The following PACS2 variants were observed in gnomAD, a reference collection of about 807,000 sequenced individuals.
PACS2 encodes phosphofurin acidic cluster sorting protein 2.
In PACS2, 36 loss-of-function variants were observed where a neutral mutation model predicts 113.0. That is an observed-to-expected ratio of 0.32 (90% CI 0.24 to 0.42). The LOEUF is 0.42. PACS2 is among the 10% of genes least tolerant of loss of function. The pLI, the probability that PACS2 is intolerant of heterozygous loss-of-function variation, is 1.00. For missense variants in PACS2, 1,015 were observed against 1,239.5 expected, an observed-to-expected ratio of 0.82 and a Z score of 2.72; for synonymous variants, 589 against 536.1, an observed-to-expected ratio of 1.10 and a Z score of -1.36.
At chr14:105,322,388 C>T (rs185574152) in intron 1 of PACS2, among the ~76,000 whole-genome samples, 9 of 152,042 alleles carry the variant, frequency 5.9e-5, no homozygotes, top group African/African-American at 1.2e-4. Flanking sequence ...CTCAGCCTCC[C>T]GAGTAGCTGG....
Position 105,349,362 on chromosome 14 carries a change from C to T in PACS2, c.207+782C>T, listed in dbSNP as rs111537410. ...AGTGTCCTTCTGTGTGGCCGTCCAG[C>T]GTGACAGGGTGGGGTCTCAGTGGCT... On this transcript the variant is annotated intron_variant, in intron 2 of 24. Transcript: ENST00000447393. Among the ~76,000 whole-genome samples, 29 of 152,342 alleles carry T rather than the reference C, an allele frequency of 1.9e-4. 1 individual carries two copies. Among genetic ancestry groups the T allele is most frequent in the African/African-American group, 6.3e-4 (26 of 41,578 alleles).
At chr14:105,393,073 G>C (rs1555415429) in intron 23 of PACS2, 149 bp from the exon 24 acceptor site, 2 of 718,936 alleles carry the variant, frequency 2.8e-6, no homozygotes, top group African/African-American at 3.6e-5. Flanking sequence ...GAGAGCAGCT[G>C]TCCTCAGTCA....
chr14:105,344,236 T>A (rs2059835174), intron 1 of PACS2, among the ~76,000 whole-genome samples: 1 of 151,534 alleles, frequency 6.6e-6, no homozygotes, highest in South Asian at 2.1e-4. Context: ...AATATATGGT[T>A]GAATTTGCCT....
intron 1 of PACS2, among the ~76,000 whole-genome samples, chr14:105,322,478 C>A (rs936419581): frequency 6.6e-6 from 1 of 151,982 alleles, no homozygotes; most frequent in Admixed American, 6.6e-5. Flanking sequence ...GTTGGCCAGA[C>A]TGGTCTCGAA....
At position 105,303,523 on chromosome 14, in the gene PACS2, G is replaced by A. The variant is rs587734806; in HGVS notation, c.-83+2544G>A. Among the ~76,000 whole-genome samples, 5 of 152,372 alleles carry A rather than the reference G, an allele frequency of 3.3e-5. No homozygotes were observed. In the South Asian group the frequency reaches 6.2e-4, roughly 19 times the overall value. ...CTCCCAAAGTGCTGGGACTATGGGCGTGAGCCATCGCGCCTGGCCTTTTCC... is the reference window on the plus strand; with the variant it reads ...CTCCCAAAGTGCTGGGACTATGGGCATGAGCCATCGCGCCTGGCCTTTTCC... On this transcript the variant is annotated intron_variant, in intron 1 of 23. Coordinates refer to the PACS2 transcript ENST00000430725.
intron 12 of PACS2, 47 bp from the exon 13 acceptor site, chr14:105,381,867 C>G: frequency 6.6e-7 from 1 of 1,522,072 alleles, no homozygotes; most frequent in Non-Finnish European, 8.9e-7. Context: ...TGCCCCTGTT[C>G]CTGTTCCTGC....
intron 7 of PACS2, among the ~76,000 whole-genome samples, chr14:105,369,175 G>A (rs980735925): frequency 2.0e-5 from 3 of 152,246 alleles, no homozygotes; most frequent in African/African-American, 7.2e-5. Context: ...GCATTCAAGG[G>A]GGCGCTGTGG....
intron 9 of PACS2, among the ~76,000 whole-genome samples, chr14:105,378,881 GGCCTGGATCA>G (rs1197350219): frequency 7.2e-5 from 11 of 152,236 alleles, no homozygotes; most frequent in East Asian, 1.9e-4. Flanking sequence ...AGGCATGGGT[GGCCTGGATCA>G]GCCTGGATCA....
intron 1 of PACS2, among the ~76,000 whole-genome samples, chr14:105,304,345 A>G (rs930657509): frequency 9.9e-5 from 15 of 151,990 alleles, no homozygotes; most frequent in African/African-American, 3.4e-4. Flanking sequence ...AAAAATTAGC[A>G]GGTGTGATGG....
intron 24 of PACS2, 198 bp from the exon 25 acceptor site, chr14:105,394,355 GC>G (rs2081474117): frequency 2.0e-6 from 2 of 985,290 alleles, no homozygotes; most frequent in South Asian, 9.4e-5. Flanking sequence ...GAGGGCAGGG[GC>G]AGGAATGGCG....
rs2081559934 is a variant in PACS2, at chr14:105,397,491, AGGCCTGGT to A, written c.*2824_*2831del. 2 of 152,244 alleles carry A rather than the reference AGGCCTGGT, an allele frequency of 1.3e-5. No homozygotes were observed. Among genetic ancestry groups the A allele is most frequent in the African/African-American group, 4.8e-5 (2 of 41,428 alleles). The allele number at this position is 152,244 out of a possible 1,614,324, so 9.4% of individuals were successfully genotyped here. On this transcript the variant is annotated 3_prime_UTR_variant, in exon 25 of 25. Coordinates refer to ENST00000447393, the MANE Select transcript of PACS2 (RefSeq NM_001100913.3). The stretch of plus-strand genomic sequence containing the variant: ...ACCAGTCACCACCGAGGCACCCCTC[AGGCCTGGT>A]GGCCACTGTCCACTATTACGTAGAC...
chr14:105,313,239 C>T (rs994780626), upstream of PACS2, among the ~76,000 whole-genome samples: 5 of 152,236 alleles, frequency 3.3e-5, no homozygotes, highest in African/African-American at 1.2e-4. Context: ...CAGCGCCGTA[C>T]GCTCAGTTCT....
chr14:105,369,813 C>T, intron 7 of PACS2, 28 bp from the exon 8 acceptor site: 1 of 1,546,116 alleles, frequency 6.5e-7, no homozygotes, highest in South Asian at 1.2e-5. Flanking sequence ...CTGGCGGCGG[C>T]TCTGACTCTG....
At chr14:105,343,292 AG>A (rs1376518544) in intron 1 of PACS2, among the ~76,000 whole-genome samples, 3 of 152,192 alleles carry the variant, frequency 2.0e-5, no homozygotes, top group African/African-American at 7.2e-5. Flanking sequence ...CGGGGTTTCC[AG>A]TGGGTGGCAG....
rs781846060 is a variant in PACS2 at position 105,368,524 on chromosome 14, G to A, written c.726G>A (p.Thr242=). 14 of 1,613,522 alleles carry A rather than the reference G, an allele frequency of 8.7e-6. 1 individual carries two copies. Among genetic ancestry groups the A allele is most frequent in the South Asian group, 5.5e-5 (5 of 91,076 alleles). The change falls in exon 7 of 25, where the codon ACG becomes ACA. Residue 242 remains threonine, a synonymous_variant. Transcript: ENST00000447393. The stretch of plus-strand genomic sequence containing the variant: ...AGCAGCGGAGATCGATTGTAAGAAC[G>A]ACGTCCATGACCAGGGTTGGTGGAG... The part of the protein sequence containing the change: ...PKKQRRSIVR[T]TSMTRQQNFK...
rs1434947157 is a variant in PACS2, at chr14:105,365,215, C to T, written c.424-1998C>T. The stretch of plus-strand genomic sequence containing the variant: ...GGCAGGAGTGGGAATGGCCACAGTC[C>T]AGGACAGTGACCTGCCGGCCAGCAT... On this transcript the variant is annotated intron_variant, in intron 4 of 24. Transcript: ENST00000447393. The surrounding 1 kb of genome is among the most constrained non-coding windows in gnomAD (Gnocchi z 5.1). 4.6e-5 allele frequency among the ~76,000 whole-genome samples: 7 copies of T among 152,142 alleles called. No individual in the cohort carries two copies. Among genetic ancestry groups the T allele is most frequent in the African/African-American group, 1.7e-4 (7 of 41,438 alleles).
At chr14:105,332,911 C>T (rs587731197) in intron 1 of PACS2, among the ~76,000 whole-genome samples, 1 of 152,188 alleles carries the variant, frequency 6.6e-6, no homozygotes, top group Admixed American at 6.5e-5. Flanking sequence ...GAGACAGTCT[C>T]ATGCCCCCAC....
At chr14:105,377,599 C>A (rs1847096618) in intron 9 of PACS2, among the ~76,000 whole-genome samples, 1 of 152,174 alleles carries the variant, frequency 6.6e-6, no homozygotes, top group African/African-American at 2.4e-5. Flanking sequence ...TGCTCTCACA[C>A]TTTTTTAACC....
chr14:105,311,935 A>G (rs2058360934), upstream of PACS2, among the ~76,000 whole-genome samples: 1 of 152,210 alleles, frequency 6.6e-6, no homozygotes, highest in African/African-American at 2.4e-5. Context: ...CTGCCATAGC[A>G]TGGGCTGGGC....
Sources: gnomAD v4.1 joint callset for allele counts (sites outside exome capture counted in the v4.1 genomes callset) on GRCh38, gnomAD v4.1.1 for gene constraint, Gnocchi (gnomAD v3.1) non-coding constraint, MANE v1.5 for transcripts, NCBI Gene and HGNC (gene_info 2026-07-23, HGNC 2026-07-21) for gene names.